LARGE1: variants seen among roughly 807,000 people sequenced by gnomAD.
LARGE1 encodes the protein LARGE xylosyl- and glucuronyltransferase 1.
In LARGE1, 43 loss-of-function variants were observed where a neutral mutation model predicts 87.6. That is an observed-to-expected ratio of 0.49 (90% CI 0.38 to 0.63). LARGE1 has a LOEUF of 0.63. Ranked by LOEUF, LARGE1 falls within the 30% of genes least tolerant of loss-of-function variation. LARGE1 has a pLI of 0.00. For synonymous variants in LARGE1, 434 were observed against 394.6 expected (o/e 1.10, Z -1.18); for missense variants, 802 against 1,000.2 (o/e 0.80, Z 2.67).
chr22:33,867,322 T>C (rs2064134868), intron 1 of LARGE1, among the ~76,000 whole-genome samples: 1 of 152,184 alleles, frequency 6.6e-6, no homozygotes, highest in Non-Finnish European at 1.5e-5. Context: ...TTTGCACACA[T>C]GCCCTCTGCC....
chr22:33,769,438 T>C (rs908124276), intron 1 of LARGE1, among the ~76,000 whole-genome samples: 3 of 152,250 alleles, frequency 2.0e-5, no homozygotes, highest in Non-Finnish European at 2.9e-5. Flanking sequence ...CACTGCTGCC[T>C]TGTTCATTAC....
At chr22:33,241,285 G>A (rs1602136669) in intron 11 of LARGE1, among the ~76,000 whole-genome samples, 2 of 152,162 alleles carry the variant, frequency 1.3e-5, no homozygotes, top group Admixed American at 1.3e-4. Flanking sequence ...GTGATCCCCA[G>A]GCACACACCA....
intron 1 of LARGE1, among the ~76,000 whole-genome samples, chr22:33,917,058 G>A (rs578117251): frequency 5.3e-5 from 8 of 152,290 alleles, no homozygotes; most frequent in South Asian, 2.1e-4. Flanking sequence ...CACAAATGCC[G>A]TCTACCAGAC....
In LARGE1 at chr22:33,508,851, A is replaced by T. The variant is rs547443716; in HGVS notation, c.787+55997T>A. 3.5e-4 allele frequency among the ~76,000 whole-genome samples: 54 copies of T among 152,228 alleles called. 3 individuals are homozygous for T. Among genetic ancestry groups the T allele is most frequent in the Middle Eastern group, 6.8e-3 (2 of 294 alleles). The stretch of plus-strand genomic sequence containing the variant: ...GGAAAATATGGCAGGGAAGTGTGGG[A>T]AAAAACCCAGAGTGAATTCAAATGG... On this transcript the variant is annotated intron_variant, in intron 6 of 14. Transcript: ENST00000397394.
At chr22:33,154,978 T>G in the LARGE1 span, among the ~76,000 whole-genome samples, 7 of 152,306 alleles carry the variant, frequency 4.6e-5, no homozygotes, top group Middle Eastern at 6.8e-3. Flanking sequence ...ACAAGCTTCT[T>G]CTTTTGTCTG....
At chr22:33,673,223 A>C (rs188904799) in intron 2 of LARGE1, among the ~76,000 whole-genome samples, 1 of 152,282 alleles carries the variant, frequency 6.6e-6, no homozygotes, top group East Asian at 1.9e-4. Context: ...TGCAGGGAGC[A>C]GAGATCATGC....
intron 6 of LARGE1, among the ~76,000 whole-genome samples, chr22:33,529,122 C>T (rs758049461): frequency 3.3e-5 from 5 of 152,200 alleles, no homozygotes; most frequent in Admixed American, 6.5e-5. Flanking sequence ...TCAGCTTATG[C>T]CTTAGCCAAA....
intron 9 of LARGE1, 152 bp downstream of exon 9, chr22:33,381,767 C>A (rs1257377192): frequency 1.4e-5 from 15 of 1,084,856 alleles, no homozygotes; most frequent in Non-Finnish European, 2.1e-5. Flanking sequence ...AAACCAACAC[C>A]CCACAAAGAT....
downstream of LARGE1, among the ~76,000 whole-genome samples, chr22:33,159,499 A>T (rs1052512866): frequency 4.6e-5 from 7 of 152,308 alleles, no homozygotes; most frequent in East Asian, 1.2e-3. Context: ...AATGAAAAAA[A>T]TTAAAAGACA....
intron 11 of LARGE1, among the ~76,000 whole-genome samples, chr22:33,182,969 A>C (rs1923252757): frequency 1.3e-5 from 2 of 152,188 alleles, no homozygotes; most frequent in South Asian, 2.1e-4. Context: ...AGGTGGGATT[A>C]TATCAAACTA....
At chr22:33,737,319 G>T (rs2083689900) in intron 2 of LARGE1, among the ~76,000 whole-genome samples, 1 of 152,138 alleles carries the variant, frequency 6.6e-6, no homozygotes. Flanking sequence ...AGGTACTCTG[G>T]CTTTGGCTTT....
At chr22:33,763,376 G>C (rs1569433642) in intron 1 of LARGE1, among the ~76,000 whole-genome samples, 1 of 152,100 alleles carries the variant, frequency 6.6e-6, no homozygotes, top group Non-Finnish European at 1.5e-5. Context: ...AAAGACCACG[G>C]GGCTAGAGGG....
At chr22:33,504,820 T>G (rs1442049191) in intron 6 of LARGE1, among the ~76,000 whole-genome samples, 3 of 152,196 alleles carry the variant, frequency 2.0e-5, no homozygotes, top group African/African-American at 7.2e-5. Flanking sequence ...AACATAGTAG[T>G]TAACAAAACA....
At chr22:33,543,925 T>G (rs1241981335) in intron 6 of LARGE1, among the ~76,000 whole-genome samples, 4 of 152,240 alleles carry the variant, frequency 2.6e-5, no homozygotes, top group African/African-American at 4.8e-5. Flanking sequence ...GAGCTCACTG[T>G]GTCTAAACTG....
At chr22:33,488,588 A>G (rs1343789848) in intron 6 of LARGE1, among the ~76,000 whole-genome samples, 1 of 152,190 alleles carries the variant, frequency 6.6e-6, no homozygotes, top group Non-Finnish European at 1.5e-5. Flanking sequence ...AGCACCATTC[A>G]GAAGTATTAT....
At chr22:33,848,263 C>A (rs1307731835) in intron 1 of LARGE1, among the ~76,000 whole-genome samples, 1 of 152,194 alleles carries the variant, frequency 6.6e-6, no homozygotes. Context: ...CCCAGCACAT[C>A]TCAGCCACTG....
intron 12 of LARGE1, among the ~76,000 whole-genome samples, chr22:33,300,600 G>A (rs963727266): frequency 2.6e-5 from 4 of 152,100 alleles, no homozygotes; most frequent in African/African-American, 9.7e-5. Context: ...GAGTGCAGTG[G>A]TGCGATGTCA....
intron 7 of LARGE1, among the ~76,000 whole-genome samples, chr22:33,421,822 A>T (rs1003529828): frequency 6.6e-6 from 1 of 152,206 alleles, no homozygotes; most frequent in Non-Finnish European, 1.5e-5. Flanking sequence ...GCTTTCTTTC[A>T]GTTAGATTTC....
chr22:33,270,857 CT>C (rs1001827076), downstream of LARGE1, among the ~76,000 whole-genome samples: 2 of 152,204 alleles, frequency 1.3e-5, no homozygotes, highest in Non-Finnish European at 2.9e-5. Flanking sequence ...CAAATATGTG[CT>C]CTGTAAATCA....
Sources: allele counts gnomAD v4.1 joint callset (sites outside exome capture counted in the v4.1 genomes callset), GRCh38; gene constraint gnomAD v4.1.1; transcripts MANE v1.5; gene names NCBI Gene and HGNC (gene_info 2026-07-23, HGNC 2026-07-21).